The following CMTM8 variants were observed in gnomAD, a reference collection of about 807,000 sequenced individuals.
The protein encoded by CMTM8 is CKLF-like MARVEL transmembrane domain-containing protein 8.
Under a neutral mutation model 18.6 loss-of-function variants are expected in CMTM8, and 12 were observed. The observed-to-expected ratio is 0.65, with a 90% CI of 0.41 to 1.05. CMTM8 has a LOEUF of 1.05. Among genes scored for constraint, CMTM8 ranks in the 50% least tolerant of loss-of-function variants. The probability of loss-of-function intolerance (pLI) is 0.00; values close to 1 mark genes in which losing one functional copy is unlikely to be tolerated. For missense variants in CMTM8, 217 were observed against 227.2 expected (o/e 0.95, Z 0.29); for synonymous variants, 87 against 90.6 (o/e 0.96, Z 0.23).
chr3:32,265,860 T>TG (rs1311738509), intron 1 of CMTM8, among the ~76,000 whole-genome samples: 2 of 152,096 alleles, frequency 1.3e-5, no homozygotes, highest in Non-Finnish European at 2.9e-5. Flanking sequence ...CTAGAAGAAA[T>TG]GGATAAATTC....
chr3:32,293,077 G>GTGTA (rs148004069), intron 1 of CMTM8, among the ~76,000 whole-genome samples: 169 of 145,776 alleles, frequency 1.2e-3, no homozygotes, highest in African/African-American at 3.4e-3. Flanking sequence ...ATATGTGTGT[G>GTGTA]TATATATATA....
In CMTM8 at chr3:32,279,179, A is replaced by G. The variant is rs370274891; in HGVS notation, c.147+40060A>G. Among the ~76,000 whole-genome samples the G allele has an allele frequency of 6.6e-5, 3 of 45,496 alleles. No homozygotes were observed. The East Asian group carries it at 2.5e-3, about 39-fold the overall frequency. The allele number at this position is 45,496 out of a possible 152,430, so 29.8% of individuals were successfully genotyped here. ...CTTATAATTAGTGATTTTTTTTTTT[A>G]ATTTTTTTTTTATTATACTTTAAGT... On this transcript the variant is annotated intron_variant, in intron 1 of 3. Transcript: ENST00000307526.
At chr3:32,283,408 G>A (rs34940255) in intron 1 of CMTM8, among the ~76,000 whole-genome samples, 32,361 of 152,198 alleles carry the variant, frequency 0.21, 4,198 homozygotes, top group Middle Eastern at 0.3. Flanking sequence ...CTGAGCGCTT[G>A]CTATCTGGCT....
In CMTM8 at chr3:32,274,059, C is replaced by G. The variant is rs1702480136; in HGVS notation, c.147+34940C>G. Among the ~76,000 whole-genome samples the G allele has an allele frequency of 4.6e-5, 7 of 152,082 alleles. No homozygotes were observed. The South Asian group carries it at 1.5e-3, about 32-fold the overall frequency. Reference sequence around the variant, plus strand: ...GCACGGTGGCTCACATCTGTAATCCCAACACTTTGGGAGGCTGAGATAGGC... The same window carrying G: ...GCACGGTGGCTCACATCTGTAATCCGAACACTTTGGGAGGCTGAGATAGGC... On this transcript the variant is annotated intron_variant, in intron 1 of 3. Transcript: ENST00000307526.
At chr3:32,286,734 A>G (rs139445900) in intron 1 of CMTM8, among the ~76,000 whole-genome samples, 197 of 152,336 alleles carry the variant, frequency 1.3e-3, no homozygotes, top group African/African-American at 4.4e-3. Flanking sequence ...CCACATATAA[A>G]ATACACTAAC....
chr3:32,356,952 C>T (rs1342185360), intron 1 of CMTM8, among the ~76,000 whole-genome samples: 1 of 152,190 alleles, frequency 6.6e-6, no homozygotes, highest in African/African-American at 2.4e-5. Context: ...AGAGAACCCC[C>T]TAAAACAAGA....
rs1238717120 is a variant in CMTM8 at position 32,317,825 on chromosome 3, G to A, written c.148-39548G>A. 2.0e-5 allele frequency among the ~76,000 whole-genome samples: 3 copies of A among 152,198 alleles called. No individual in the cohort carries two copies. The East Asian group carries it at 5.8e-4, about 29-fold the overall frequency. On this transcript the variant is annotated intron_variant, in intron 1 of 3. Coordinates refer to ENST00000307526, the MANE Select transcript of CMTM8 (RefSeq NM_178868.5). Reference sequence around the variant, plus strand: ...AATCCCAACACTTTGGAAAGCAGAGGCGCGCAGATCATGAGGTCAGGAGTT... The same window carrying A: ...AATCCCAACACTTTGGAAAGCAGAGACGCGCAGATCATGAGGTCAGGAGTT...
At chr3:32,293,277 G>T (rs948511845) in intron 1 of CMTM8, among the ~76,000 whole-genome samples, 2 of 152,064 alleles carry the variant, frequency 1.3e-5, no homozygotes, top group Non-Finnish European at 2.9e-5. Context: ...CAGGCCAGGC[G>T]TGGTGGCTCA....
intron 1 of CMTM8, among the ~76,000 whole-genome samples, chr3:32,302,246 T>A (rs1332633203): frequency 6.6e-6 from 1 of 152,198 alleles, no homozygotes; most frequent in Non-Finnish European, 1.5e-5. Flanking sequence ...TGCCGTGAGC[T>A]ATGATTGCAC....
At chr3:32,279,424 C>T (rs1199096496) in intron 1 of CMTM8, among the ~76,000 whole-genome samples, 4 of 112,306 alleles carry the variant, frequency 3.6e-5, no homozygotes, top group African/African-American at 3.6e-5. Flanking sequence ...TGAGAATATG[C>T]GGTGTTTGGT....
rs972112362 is a variant in CMTM8, at chr3:32,254,381, T to G, written c.147+15262T>G. The stretch of plus-strand genomic sequence containing the variant: ...TTTACCTTTCCTTGTCATCTTGTTA[T>G]AAGTACATCTTCTATATGTATCATA... On this transcript the variant is annotated intron_variant, in intron 1 of 3. Coordinates refer to ENST00000307526, the MANE Select transcript of CMTM8 (RefSeq NM_178868.5). 2.0e-5 allele frequency among the ~76,000 whole-genome samples: 3 copies of G among 152,214 alleles called. No homozygotes were observed. The East Asian group carries it at 5.8e-4, about 29-fold the overall frequency.
rs988562489 is a variant in CMTM8 at position 32,352,303 on chromosome 3, C to T, written c.148-5070C>T. 7.9e-5 allele frequency among the ~76,000 whole-genome samples: 12 copies of T among 151,962 alleles called. No individual in the cohort carries two copies. In the South Asian group the frequency reaches 1.2e-3, roughly 16 times the overall value. Reference sequence around the variant, plus strand: ...ATTCAAAAAAATGCTCTACTGTCCTCGACACTGATGAAGAAAAATGCAAAT... The same window carrying T: ...ATTCAAAAAAATGCTCTACTGTCCTTGACACTGATGAAGAAAAATGCAAAT... On this transcript the variant is annotated intron_variant, in intron 1 of 3. Coordinates refer to ENST00000307526, the MANE Select transcript of CMTM8 (RefSeq NM_178868.5).
rs1361343225 is a variant in CMTM8 at position 32,314,476 on chromosome 3, GA to G, written c.148-42893del. On this transcript the variant is annotated intron_variant, in intron 1 of 3. Coordinates refer to ENST00000307526, the MANE Select transcript of CMTM8 (RefSeq NM_178868.5). The stretch of plus-strand genomic sequence containing the variant: ...GAGGGTGGGTAGGCAGAGTAAGCCA[GA>G]AAATTTTTTTTTTTTTTTTAAAGAC... Among the ~76,000 whole-genome samples, 48 of 103,894 alleles carry G rather than the reference GA, an allele frequency of 4.6e-4. 1 individual carries two copies. In the East Asian group the frequency reaches 4.7e-3, roughly 10 times the overall value. The allele number at this position is 103,894 out of a possible 152,430, so 68.2% of individuals were successfully genotyped here.
At chr3:32,337,940 T>C (rs1221742443) in intron 1 of CMTM8, among the ~76,000 whole-genome samples, 1 of 151,818 alleles carries the variant, frequency 6.6e-6, no homozygotes, top group Non-Finnish European at 1.5e-5. Flanking sequence ...GCAGAGATCA[T>C]GTGGCCCACA....
At chr3:32,257,068 A>G (rs1702183554) in intron 1 of CMTM8, among the ~76,000 whole-genome samples, 1 of 152,158 alleles carries the variant, frequency 6.6e-6, no homozygotes, top group Non-Finnish European at 1.5e-5. Flanking sequence ...GATCACTGCA[A>G]CCTCTGCTTC....
intron 1 of CMTM8, among the ~76,000 whole-genome samples, chr3:32,287,887 A>G (rs868100069): frequency 1.3e-5 from 2 of 152,180 alleles, no homozygotes; most frequent in Admixed American, 1.3e-4. Context: ...GAATCTGGAA[A>G]TATGTTCATA....
At chr3:32,267,822 A>G (rs1244424594) in intron 1 of CMTM8, among the ~76,000 whole-genome samples, 4 of 152,278 alleles carry the variant, frequency 2.6e-5, no homozygotes, top group Non-Finnish European at 4.4e-5. Flanking sequence ...GAAGACATTT[A>G]TGCAGTCAAA....
At chr3:32,249,177 C>T (rs1702082915) in intron 1 of CMTM8, among the ~76,000 whole-genome samples, 2 of 151,222 alleles carry the variant, frequency 1.3e-5, no homozygotes, top group Non-Finnish European at 2.9e-5. Flanking sequence ...GCCTGTAATC[C>T]CACCACTTTG....
intron 1 of CMTM8, among the ~76,000 whole-genome samples, chr3:32,334,632 C>A (rs990554641): frequency 6.6e-6 from 1 of 151,942 alleles, no homozygotes; most frequent in Non-Finnish European, 1.5e-5. Context: ...AGGAGCATGT[C>A]CCAGAAGCTC....
Sources: allele counts gnomAD v4.1 joint callset (sites outside exome capture counted in the v4.1 genomes callset), GRCh38; gene constraint gnomAD v4.1.1; transcripts MANE v1.5; gene names NCBI Gene and HGNC (gene_info 2026-07-23, HGNC 2026-07-21).